FAM171A1: variants seen among roughly 807,000 people sequenced by gnomAD.
The protein encoded by FAM171A1 is protein FAM171A1.
FAM171A1 carries 23 observed loss-of-function variants against 74.9 expected under a neutral mutation model. The ratio of observed to expected loss-of-function variants is 0.31; its 90% confidence interval spans 0.22 to 0.44. The LOEUF is 0.44. FAM171A1 is among the 20% of genes least tolerant of loss of function. FAM171A1 has a pLI of 1.00. For missense variants in FAM171A1, 1,162 were observed against 1,159.2 expected (o/e 1.00, Z -0.03); for synonymous variants, 527 against 505.7 (o/e 1.04, Z -0.57).
intron 4 of FAM171A1, 104 bp downstream of exon 4, chr10:15,254,617 G>T: frequency 7.9e-7 from 1 of 1,269,674 alleles, no homozygotes; most frequent in Non-Finnish European, 1.1e-6. Flanking sequence ...CACCTTCAGT[G>T]CCTTTCTCCC....
intron 1 of FAM171A1, among the ~76,000 whole-genome samples, chr10:15,324,638 G>T (rs116178045): frequency 6.6e-6 from 1 of 151,968 alleles, no homozygotes; most frequent in Non-Finnish European, 1.5e-5. Context: ...CACTGCACAC[G>T]TCTAACCAAG....
chr10:15,283,699 C>T lies in FAM171A1; in HGVS notation c.325+179G>A, dbSNP rs186562056. On this transcript the variant is annotated intron_variant, in intron 2 of 7. Transcript: ENST00000378116. ...TCCCAGAATCAAGCAATCCTCCCAC[C>T]TCAACCTCTTGAGTAGCTGGGACTA... 3.9e-5 allele frequency among the ~76,000 whole-genome samples: 6 copies of T among 152,344 alleles called. No homozygotes were observed. The East Asian group carries it at 1.2e-3, about 29-fold the overall frequency.
At chr10:15,235,492 A>G (rs1453840431) in intron 5 of FAM171A1, among the ~76,000 whole-genome samples, 1 of 152,086 alleles carries the variant, frequency 6.6e-6, no homozygotes, top group Admixed American at 6.5e-5. Context: ...CTATGATTCA[A>G]TTCTTCCACT....
chr10:15,342,626 C>G (rs557614507), intron 1 of FAM171A1, among the ~76,000 whole-genome samples: 65 of 152,288 alleles, frequency 4.3e-4, no homozygotes, highest in Middle Eastern at 3.4e-3. Context: ...AGGCTTCTGT[C>G]AGCCGGTGCT....
intron 1 of FAM171A1, among the ~76,000 whole-genome samples, chr10:15,336,760 A>C (rs948447697): frequency 3.3e-5 from 5 of 152,220 alleles, no homozygotes; most frequent in African/African-American, 1.2e-4. Flanking sequence ...GTTTTCTCAC[A>C]GAACTAACAT....
intron 1 of FAM171A1, among the ~76,000 whole-genome samples, chr10:15,311,529 A>C (rs957669470): frequency 2.0e-5 from 3 of 152,174 alleles, no homozygotes; most frequent in Non-Finnish European, 4.4e-5. Flanking sequence ...TGGCATTAAA[A>C]ATGAGAAATA....
At chr10:15,283,739 G>A (rs1408737430) in intron 2 of FAM171A1, 139 bp downstream of exon 2, 1 of 766,586 alleles carries the variant, frequency 1.3e-6, no homozygotes, top group African/African-American at 1.7e-5. Context: ...TGCACACTAT[G>A]ATGCCTGGCT....
intron 1 of FAM171A1, among the ~76,000 whole-genome samples, chr10:15,338,981 C>T (rs1452220904): frequency 6.6e-6 from 1 of 152,190 alleles, no homozygotes; most frequent in East Asian, 1.9e-4. Flanking sequence ...TCAAGTGATC[C>T]ACCCGCCTTG....
intron 4 of FAM171A1, among the ~76,000 whole-genome samples, chr10:15,253,856 A>T (rs572429645): frequency 6.6e-6 from 1 of 152,336 alleles, no homozygotes; most frequent in East Asian, 1.9e-4. Flanking sequence ...AGTGGGGACC[A>T]TTCCAGTGCA....
chr10:15,309,213 T>C (rs1835330746), intron 1 of FAM171A1, among the ~76,000 whole-genome samples: 1 of 152,180 alleles, frequency 6.6e-6, no homozygotes, highest in Admixed American at 6.5e-5. Context: ...CAAATTTAAC[T>C]TACTACTATT....
chr10:15,222,653 C>T (rs1377822439), intron 5 of FAM171A1, among the ~76,000 whole-genome samples: 1 of 152,188 alleles, frequency 6.6e-6, no homozygotes, highest in Non-Finnish European at 1.5e-5. Flanking sequence ...GATTTTTATT[C>T]CCCCTGAAGA....
chr10:15,351,212 A>G (rs1020789739), intron 1 of FAM171A1, among the ~76,000 whole-genome samples: 2 of 152,206 alleles, frequency 1.3e-5, no homozygotes, highest in Admixed American at 6.5e-5. Flanking sequence ...TCAGTTCATT[A>G]TGAGTATGTG....
At chr10:15,343,414 C>A (rs543338978) in intron 1 of FAM171A1, among the ~76,000 whole-genome samples, 52 of 152,204 alleles carry the variant, frequency 3.4e-4, no homozygotes, top group African/African-American at 1.2e-3. Context: ...CAATCCAGGG[C>A]GGGAAGTGTC....
At position 15,324,324 on chromosome 10, in the gene FAM171A1, A is replaced by C. The variant is rs775228685; in HGVS notation, c.98-40219T>G. Among the ~76,000 whole-genome samples, 114 of 152,284 alleles carry C rather than the reference A, an allele frequency of 7.5e-4. 1 individual carries two copies. Among genetic ancestry groups the C allele is most frequent in the Admixed American group, 1.6e-3 (25 of 15,302 alleles). ...GCTCAGCAGGGTTTGCTTGGGGTAG[A>C]TGCCCCAGGCAATGCAGGTCCTTCC... On this transcript the variant is annotated intron_variant, in intron 1 of 7. Transcript: ENST00000378116.
At chr10:15,239,280 T>C (rs1229160722) in intron 5 of FAM171A1, among the ~76,000 whole-genome samples, 4 of 152,118 alleles carry the variant, frequency 2.6e-5, no homozygotes, top group African/African-American at 4.8e-5. Context: ...GCACAATAAA[T>C]ATTCACTTTA....
intron 5 of FAM171A1, among the ~76,000 whole-genome samples, chr10:15,227,300 C>A (rs1408874255): frequency 6.6e-6 from 1 of 151,962 alleles, no homozygotes; most frequent in East Asian, 1.9e-4. Flanking sequence ...TGCACCCGGC[C>A]GGAACAGTGA....
intron 3 of FAM171A1, among the ~76,000 whole-genome samples, chr10:15,264,151 A>G (rs1040666472): frequency 1.3e-5 from 2 of 151,692 alleles, no homozygotes; most frequent in Non-Finnish European, 2.9e-5. Flanking sequence ...GCTAATTTTT[A>G]AATATTTTTC....
intron 1 of FAM171A1, among the ~76,000 whole-genome samples, chr10:15,356,379 T>C (rs964829375): frequency 6.6e-6 from 1 of 151,940 alleles, no homozygotes; most frequent in African/African-American, 2.4e-5. Context: ...TACAACCAAT[T>C]TGGGAAAAAG....
At chr10:15,290,858 G>C (rs1835094081) in intron 1 of FAM171A1, among the ~76,000 whole-genome samples, 1 of 152,152 alleles carries the variant, frequency 6.6e-6, no homozygotes, top group South Asian at 2.1e-4. Flanking sequence ...AGGGGCCCTT[G>C]TGACTGAAGA....
Sources: gnomAD v4.1 joint callset for allele counts (sites outside exome capture counted in the v4.1 genomes callset) on GRCh38, gnomAD v4.1.1 for gene constraint, MANE v1.5 for transcripts, NCBI Gene and HGNC (gene_info 2026-07-23, HGNC 2026-07-21) for gene names.